The following BRINP3 variants were observed in gnomAD, a reference collection of about 807,000 sequenced individuals.
BRINP3 encodes BMP/retinoic acid-inducible neural-specific protein 3.
In BRINP3, 19 loss-of-function variants were observed where a neutral mutation model predicts 71.0. The observed-to-expected ratio is 0.27, with a 90% confidence interval of 0.19 to 0.39. The LOEUF (loss-of-function observed/expected upper bound fraction) is 0.39, where lower values mean the gene tolerates loss of function less well. BRINP3 is among the 10% of genes least tolerant of loss of function. The pLI, the probability that BRINP3 is intolerant of heterozygous loss-of-function variation, is 1.00. For missense variants in BRINP3, 959 were observed against 940.8 expected (o/e 1.02, Z -0.25); for synonymous variants, 380 against 337.7 (o/e 1.13, Z -1.37).
In BRINP3 at chr1:190,409,985, T is replaced by C. The variant is rs185950311; in HGVS notation, c.236+44670A>G. Among the ~76,000 whole-genome samples, 50 of 152,290 alleles carry C rather than the reference T, an allele frequency of 3.3e-4. 1 individual carries two copies. In the East Asian group the frequency reaches 6.9e-3, roughly 21 times the overall value. ...AGAAAATGGCAAGAATTGGTTTCTC[T>C]CTCTTTTTTTATTTCTTTTTCCTCT... On this transcript the variant is annotated intron_variant, in intron 2 of 7. Transcript: ENST00000367462.
At chr1:190,280,968 T>C (rs1284945852) in intron 3 of BRINP3, among the ~76,000 whole-genome samples, 1 of 151,934 alleles carries the variant, frequency 6.6e-6, no homozygotes, top group Non-Finnish European at 1.5e-5. Flanking sequence ...AGCCATATTT[T>C]TAAGGCTAAA....
At chr1:190,343,382 C>T (rs755179615) in intron 2 of BRINP3, among the ~76,000 whole-genome samples, 7 of 151,588 alleles carry the variant, frequency 4.6e-5, no homozygotes, top group Non-Finnish European at 1.0e-4. Flanking sequence ...AAAACAAAAC[C>T]AAATTAGCCT....
intron 7 of BRINP3, among the ~76,000 whole-genome samples, chr1:190,153,039 T>A (rs1452189858): frequency 6.6e-6 from 1 of 152,180 alleles, no homozygotes; most frequent in Non-Finnish European, 1.5e-5. Context: ...GGCTGAAATG[T>A]AAGCTATATC....
intron 2 of BRINP3, among the ~76,000 whole-genome samples, chr1:190,334,623 A>G (rs1304284827): frequency 6.6e-6 from 1 of 151,744 alleles, no homozygotes; most frequent in Non-Finnish European, 1.5e-5. Flanking sequence ...TTTGCATTCT[A>G]CCTAAGAGCA....
intron 7 of BRINP3, among the ~76,000 whole-genome samples, chr1:190,139,693 T>C (rs1401640322): frequency 6.6e-6 from 1 of 152,168 alleles, no homozygotes; most frequent in African/African-American, 2.4e-5. Context: ...AAAATGTGAC[T>C]TTATTGCTGA....
intron 2 of BRINP3, among the ~76,000 whole-genome samples, chr1:190,370,988 A>G (rs977427154): frequency 6.6e-6 from 1 of 152,142 alleles, no homozygotes; most frequent in African/African-American, 2.4e-5. Flanking sequence ...CCTTTGAGAA[A>G]TGTCTATTCA....
intron 2 of BRINP3, among the ~76,000 whole-genome samples, chr1:190,447,088 G>A (rs1571335442): frequency 2.6e-5 from 4 of 151,790 alleles, no homozygotes; most frequent in Middle Eastern, 6.8e-3. Flanking sequence ...GACATGAGGG[G>A]CAAACAAAAG....
intron 2 of BRINP3, among the ~76,000 whole-genome samples, chr1:190,386,575 T>G (rs1432579504): frequency 1.3e-5 from 2 of 151,978 alleles, no homozygotes; most frequent in African/African-American, 4.8e-5. Context: ...TGCACTGAAT[T>G]CCATAGACAA....
At chr1:190,391,610 A>C (rs1341369407) in intron 2 of BRINP3, among the ~76,000 whole-genome samples, 1 of 151,756 alleles carries the variant, frequency 6.6e-6, no homozygotes, top group African/African-American at 2.4e-5. Flanking sequence ...ACTGACATTT[A>C]AAAAATTTGT....
chr1:190,426,772 T>G (rs763243441), intron 2 of BRINP3, among the ~76,000 whole-genome samples: 9 of 151,932 alleles, frequency 5.9e-5, no homozygotes, highest in Non-Finnish European at 1.2e-4. Flanking sequence ...ATTTAATTAA[T>G]TAATTAAAAA....
intron 2 of BRINP3, among the ~76,000 whole-genome samples, chr1:190,357,733 G>A (rs1298330727): frequency 2.6e-5 from 4 of 151,826 alleles, no homozygotes; most frequent in Non-Finnish European, 2.9e-5. Context: ...GATGGGGATG[G>A]CATTGAATCT....
chr1:190,309,139 C>T lies in BRINP3; in HGVS notation c.237-27389G>A, dbSNP rs1006710557. Among the ~76,000 whole-genome samples, 19 of 151,708 alleles carry T rather than the reference C, an allele frequency of 1.3e-4. 1 individual carries two copies. The South Asian group carries it at 1.7e-3, about 13-fold the overall frequency. On this transcript the variant is annotated intron_variant, in intron 2 of 7. Coordinates refer to ENST00000367462, the MANE Select transcript of BRINP3 (RefSeq NM_199051.3). ...CGAAAGTATGTTTGAACTCATACTACGGCATGTGTGAATCTTGAGGACATT... is the reference window on the plus strand; with the variant it reads ...CGAAAGTATGTTTGAACTCATACTATGGCATGTGTGAATCTTGAGGACATT...
chr1:190,474,240 A>C (rs1677350084), intron 1 of BRINP3, among the ~76,000 whole-genome samples: 1 of 152,220 alleles, frequency 6.6e-6, no homozygotes, highest in African/African-American at 2.4e-5. Flanking sequence ...TGCATGTTAA[A>C]CATCTAAACT....
chr1:190,112,581 A>T (rs1227735445), intron 7 of BRINP3, among the ~76,000 whole-genome samples: 2 of 152,292 alleles, frequency 1.3e-5, no homozygotes, highest in Non-Finnish European at 2.9e-5. Context: ...CAATTTGAAA[A>T]TTAATAAGTA....
chr1:190,186,179 C>A (rs1653503022), intron 6 of BRINP3, among the ~76,000 whole-genome samples: 1 of 151,944 alleles, frequency 6.6e-6, no homozygotes, highest in Non-Finnish European at 1.5e-5. Flanking sequence ...AGTTTAACAT[C>A]AGCCTGGCCA....
chr1:190,285,021 T>A (rs962979356), intron 2 of BRINP3, among the ~76,000 whole-genome samples: 2 of 152,124 alleles, frequency 1.3e-5, no homozygotes, highest in African/African-American at 4.8e-5. Context: ...GTAGACAACA[T>A]AAATTTCAAA....
At chr1:190,144,453 A>T (rs779897088) in intron 7 of BRINP3, among the ~76,000 whole-genome samples, 2 of 151,896 alleles carry the variant, frequency 1.3e-5, no homozygotes, top group Non-Finnish European at 2.9e-5. Context: ...ACCCTACAGA[A>T]ATTTCAACCC....
At chr1:190,252,991 C>T (rs913766008) in intron 4 of BRINP3, among the ~76,000 whole-genome samples, 2 of 152,008 alleles carry the variant, frequency 1.3e-5, no homozygotes, top group Non-Finnish European at 2.9e-5. Flanking sequence ...TCCAAGTGTT[C>T]TCATTGTTCA....
chr1:190,351,728 G>C (rs914865644), intron 2 of BRINP3, among the ~76,000 whole-genome samples: 2 of 152,018 alleles, frequency 1.3e-5, no homozygotes, highest in African/African-American at 4.8e-5. Flanking sequence ...TGGTTGAAGA[G>C]TTTTTAAATG....
Sources: allele counts gnomAD v4.1 joint callset (sites outside exome capture counted in the v4.1 genomes callset), GRCh38; gene constraint gnomAD v4.1.1; transcripts MANE v1.5; gene names NCBI Gene and HGNC (gene_info 2026-07-23, HGNC 2026-07-21).